The following XKR9 variants were observed in gnomAD, a reference collection of about 807,000 sequenced individuals.
The protein encoded by XKR9 is XK-related protein 9.
Under a neutral mutation model 32.0 loss-of-function variants are expected in XKR9, and 32 were observed. That is an observed-to-expected ratio of 1.00 (90% CI 0.76 to 1.34). The LOEUF is 1.34. Among genes scored for constraint, XKR9 ranks in the 40% most tolerant of loss-of-function variants. The pLI is 0.00. For missense variants in XKR9, 546 were observed against 429.7 expected, an observed-to-expected ratio of 1.27 and a Z score of -2.39; for synonymous variants, 168 against 143.4, an observed-to-expected ratio of 1.17 and a Z score of -1.22.
At chr8:70,897,693 T>A in the XKR9 span, among the ~76,000 whole-genome samples, 1 of 152,214 alleles carries the variant, frequency 6.6e-6, no homozygotes, top group Non-Finnish European at 1.5e-5. Context: ...GAAATGTCTA[T>A]TCAGACCTTT....
chr8:70,670,976 G>C (rs778616856), intron 1 of XKR9, among the ~76,000 whole-genome samples: 2 of 152,190 alleles, frequency 1.3e-5, no homozygotes, highest in Non-Finnish European at 2.9e-5. Flanking sequence ...TTCTGGACCA[G>C]ATTCCTGAGA....
the XKR9 span, among the ~76,000 whole-genome samples, chr8:71,045,110 G>A: frequency 6.6e-6 from 1 of 152,086 alleles, no homozygotes; most frequent in Admixed American, 6.5e-5. Context: ...ATAGTTTTAC[G>A]AAAATAAAAT....
At chr8:71,056,370 G>A in the XKR9 span, among the ~76,000 whole-genome samples, 1 of 151,928 alleles carries the variant, frequency 6.6e-6, no homozygotes, top group African/African-American at 2.4e-5. Flanking sequence ...GAAGGAAAAA[G>A]GAATAAAAAA....
chr8:70,695,747 T>G (rs34737624), intron 3 of XKR9, among the ~76,000 whole-genome samples: 7 of 148,032 alleles, frequency 4.7e-5, no homozygotes, highest in East Asian at 1.9e-4. Context: ...CCTGAGGAAT[T>G]GCCACACTGA....
the XKR9 span, among the ~76,000 whole-genome samples, chr8:70,928,660 C>A: frequency 6.6e-6 from 1 of 152,066 alleles, no homozygotes; most frequent in African/African-American, 2.4e-5. Context: ...ATTGTCCCTG[C>A]ACCATTAGCC....
At chr8:70,739,432 CTG>C (rs1806926046), downstream of XKR9, among the ~76,000 whole-genome samples, 1 of 152,180 alleles carries the variant, frequency 6.6e-6, no homozygotes, top group African/African-American at 2.4e-5. Context: ...ATTTGCCAGT[CTG>C]TGTCTTTTAA....
chr8:70,974,611 A>G, the XKR9 span, among the ~76,000 whole-genome samples: 1 of 152,182 alleles, frequency 6.6e-6, no homozygotes, highest in African/African-American at 2.4e-5. Flanking sequence ...CATGGTGTAT[A>G]TGTGCCACAT....
At chr8:70,949,267 C>T in the XKR9 span, among the ~76,000 whole-genome samples, 2 of 152,046 alleles carry the variant, frequency 1.3e-5, no homozygotes, top group East Asian at 3.9e-4. Context: ...GCTAAATAAG[C>T]TCTTTTTCTT....
rs541352279 is a variant in XKR9 at position 70,761,345 on chromosome 8, C to CT, written n.353-27988dup. ...CTCCCACCAACAGTGTAAAAGTGTT[C>CT]TTTTTTCACCACAGCCTCACCAGCA... is the stretch of plus-strand genomic sequence containing the variant. On this transcript the variant is annotated intron_variant and non_coding_transcript_variant, in intron 2 of 3. Coordinates refer to the XKR9 transcript ENST00000520273. 3.0e-3 allele frequency among the ~76,000 whole-genome samples: 451 copies of CT among 152,090 alleles called. 1 individual carries two copies. Among genetic ancestry groups the CT allele is most frequent in the African/African-American group, 0.01 (429 of 41,534 alleles).
chr8:70,927,229 G>A, the XKR9 span, among the ~76,000 whole-genome samples: 1 of 151,952 alleles, frequency 6.6e-6, no homozygotes, highest in East Asian at 1.9e-4. Flanking sequence ...CAAGCAGAAA[G>A]CAGCCAGGAG....
intron 2 of XKR9, among the ~76,000 whole-genome samples, chr8:70,679,667 G>T (rs1278092877): frequency 6.6e-6 from 1 of 152,088 alleles, no homozygotes; most frequent in Non-Finnish European, 1.5e-5. Flanking sequence ...AAACATTTGT[G>T]TTTTTTGTGA....
chr8:70,817,986 G>A, the XKR9 span, among the ~76,000 whole-genome samples: 3 of 152,122 alleles, frequency 2.0e-5, no homozygotes, highest in South Asian at 2.1e-4. Flanking sequence ...AGGTTTAGAT[G>A]TAAAACCTCA....
chr8:70,830,558 GCCT>G, the XKR9 span, among the ~76,000 whole-genome samples: 2 of 152,168 alleles, frequency 1.3e-5, no homozygotes, highest in Non-Finnish European at 1.5e-5. Flanking sequence ...CTGCCTTCCA[GCCT>G]GGGCGACAGA....
chr8:71,045,232 A>G, the XKR9 span, among the ~76,000 whole-genome samples: 2 of 152,224 alleles, frequency 1.3e-5, no homozygotes, highest in African/African-American at 4.8e-5. Flanking sequence ...TTCAAAATAT[A>G]TACTCTCTGA....
chr8:70,718,939 T>C (rs2132209729), intron 4 of XKR9, among the ~76,000 whole-genome samples: 1 of 152,314 alleles, frequency 6.6e-6, no homozygotes, highest in Middle Eastern at 3.4e-3. Flanking sequence ...ACCAGCAGTG[T>C]AAAAGCATTC....
chr8:71,038,750 CAAAAA>C, the XKR9 span, among the ~76,000 whole-genome samples: 54 of 97,526 alleles, frequency 5.5e-4, no homozygotes, highest in Admixed American at 2.3e-4. Context: ...TCTCAATTTT[CAAAAA>C]AAAAAAAAAA....
intron 3 of XKR9, among the ~76,000 whole-genome samples, chr8:70,698,634 TGTG>T (rs1344660408): frequency 6.6e-6 from 1 of 152,062 alleles, no homozygotes; most frequent in African/African-American, 2.4e-5. Context: ...ATAGGTGTGG[TGTG>T]GTGCTGAAAA....
At chr8:70,712,075 T>C (rs1805937511) in intron 4 of XKR9, among the ~76,000 whole-genome samples, 1 of 152,198 alleles carries the variant, frequency 6.6e-6, no homozygotes, top group Non-Finnish European at 1.5e-5. Context: ...ATCGTGCTTT[T>C]ATTTCTGTTC....
At chr8:71,006,174 G>C in the XKR9 span, among the ~76,000 whole-genome samples, 3 of 152,260 alleles carry the variant, frequency 2.0e-5, no homozygotes, top group Non-Finnish European at 2.9e-5. Flanking sequence ...AAACCAGAGA[G>C]AGTGGACATT....
Sources: allele counts gnomAD v4.1 joint callset (sites outside exome capture counted in the v4.1 genomes callset), GRCh38; gene constraint gnomAD v4.1.1; transcripts MANE v1.5; gene names NCBI Gene and HGNC (gene_info 2026-07-23, HGNC 2026-07-21).